CAMTA1: variants seen among roughly 807,000 people sequenced by gnomAD.
CAMTA1 encodes the protein calmodulin binding transcription activator 1.
Under a neutral mutation model 170.9 loss-of-function variants are expected in CAMTA1, and 27 were observed. The ratio of observed to expected loss-of-function variants is 0.16; its 90% CI spans 0.12 to 0.22. CAMTA1 has a LOEUF of 0.22. Ranked by LOEUF, CAMTA1 falls within the 10% of genes least tolerant of loss-of-function variation. The pLI is 1.00. For missense variants in CAMTA1, 1,619 were observed against 2,217.2 expected, an observed-to-expected ratio of 0.73 and a Z score of 5.42; for synonymous variants, 833 against 891.5, an observed-to-expected ratio of 0.93 and a Z score of 1.17.
chr1:7,517,571 A>G (rs1002461885), intron 6 of CAMTA1, among the ~76,000 whole-genome samples: 5 of 152,068 alleles, frequency 3.3e-5, no homozygotes, highest in African/African-American at 4.8e-5. Context: ...CTTTAATGTT[A>G]TGATTCCAAA....
chr1:7,372,344 G>A (rs2150064147), intron 5 of CAMTA1, among the ~76,000 whole-genome samples: 1 of 152,332 alleles, frequency 6.6e-6, no homozygotes, highest in Admixed American at 6.5e-5. Flanking sequence ...GAAAATGTTG[G>A]TGAGATTTTT....
intron 11 of CAMTA1, among the ~76,000 whole-genome samples, chr1:7,710,018 CTG>C (rs1384035258): frequency 9.2e-5 from 14 of 152,174 alleles, no homozygotes; most frequent in African/African-American, 3.1e-4. Context: ...AGCTATTCTG[CTG>C]TGATTCTTTT....
chr1:7,380,509 G>A lies in CAMTA1; in HGVS notation c.439-87321G>A, dbSNP rs544246820. Among the ~76,000 whole-genome samples the A allele has an allele frequency of 3.9e-4, 60 of 152,340 alleles. 2 individuals are homozygous for A. The South Asian group carries it at 0.011, about 28-fold the overall frequency. On this transcript the variant is annotated intron_variant, in intron 5 of 22. Transcript: ENST00000303635. ...GAACTGCTTGAACCCAGGACATGGC[G>A]GTTGCAGTGAGCCGAGATCATGCTG...
chr1:7,276,968 A>ACGTAAAATAT (rs1670818980), intron 5 of CAMTA1, among the ~76,000 whole-genome samples: 1 of 152,260 alleles, frequency 6.6e-6, no homozygotes, highest in Non-Finnish European at 1.5e-5. Flanking sequence ...GTGTAAAATA[A>ACGTAAAATAT]CATAAAATAT....
chr1:7,184,907 C>T (rs1652937255), intron 4 of CAMTA1, among the ~76,000 whole-genome samples: 1 of 152,114 alleles, frequency 6.6e-6, no homozygotes, highest in African/African-American at 2.4e-5. Flanking sequence ...GGCCATGTAC[C>T]ACCAGTCTAA....
chr1:7,512,113 G>GCTTTCATTCATTCATT (rs1259379357), intron 6 of CAMTA1, among the ~76,000 whole-genome samples: 30 of 152,186 alleles, frequency 2.0e-4, no homozygotes, highest in Non-Finnish European at 7.4e-5. Flanking sequence ...TCATGAAAGT[G>GCTTTCATTCATTCATT]CTTTCATTCA....
At chr1:7,672,606 G>A (rs1210077058) in intron 10 of CAMTA1, among the ~76,000 whole-genome samples, 1 of 152,110 alleles carries the variant, frequency 6.6e-6, no homozygotes, top group Non-Finnish European at 1.5e-5. Flanking sequence ...ACTTTTAGTA[G>A]AGATGGAGTT....
At chr1:7,428,536 G>A (rs1054957645) in intron 5 of CAMTA1, among the ~76,000 whole-genome samples, 4 of 152,036 alleles carry the variant, frequency 2.6e-5, no homozygotes, top group Non-Finnish European at 2.9e-5. Context: ...ATGCCTTCCC[G>A]CATAGGTGAT....
intron 3 of CAMTA1, among the ~76,000 whole-genome samples, chr1:7,055,717 G>A (rs1255865196): frequency 2.0e-5 from 3 of 152,204 alleles, no homozygotes; most frequent in Admixed American, 2.0e-4. Context: ...ATCACAGTGG[G>A]AGGCCCTCTG....
At chr1:7,726,534 T>G (rs1028121076) in intron 11 of CAMTA1, among the ~76,000 whole-genome samples, 9 of 152,200 alleles carry the variant, frequency 5.9e-5, no homozygotes, top group African/African-American at 2.2e-4. Flanking sequence ...TGTGTAGAAA[T>G]GTTATGTAAA....
At chr1:6,961,978 T>C (rs1690501968) in intron 3 of CAMTA1, among the ~76,000 whole-genome samples, 1 of 152,226 alleles carries the variant, frequency 6.6e-6, no homozygotes, top group South Asian at 2.1e-4. Flanking sequence ...GTCCAGCGTC[T>C]TCCGGTATGG....
intron 6 of CAMTA1, among the ~76,000 whole-genome samples, chr1:7,546,598 G>A (rs751180733): frequency 7.2e-5 from 11 of 152,078 alleles, no homozygotes; most frequent in Non-Finnish European, 1.2e-4. Context: ...CAAAATAGCC[G>A]AACTAATTTA....
At chr1:6,927,978 T>TTCCTGCCTCCC (rs1385740763) in intron 3 of CAMTA1, among the ~76,000 whole-genome samples, 2 of 152,152 alleles carry the variant, frequency 1.3e-5, no homozygotes, top group Non-Finnish European at 2.9e-5. Flanking sequence ...TCCTGCCTTC[T>TTCCTGCCTCCC]TCCTGCCTCC....
chr1:6,940,844 C>T (rs1209800637), intron 3 of CAMTA1, among the ~76,000 whole-genome samples: 1 of 16,372 alleles, frequency 6.1e-5, no homozygotes, highest in Non-Finnish European at 1.2e-4. Context: ...AGGCCGGGCT[C>T]AGCACTATCC....
chr1:7,600,346 A>G lies in CAMTA1; in HGVS notation c.511-40054A>G, dbSNP rs549840481. Among the ~76,000 whole-genome samples the G allele has an allele frequency of 2.5e-3, 385 of 152,198 alleles. 1 individual carries two copies. The highest frequency in any genetic ancestry group is 9.0e-3 in the African/African-American group (372 of 41,508). The stretch of plus-strand genomic sequence containing the variant: ...GTGCTGCTGGATTCAGTTTGCCAGT[A>G]TTTTATTGAGGATTTTTGCATCGAG... On this transcript the variant is annotated intron_variant, in intron 6 of 22. Transcript: ENST00000303635.
At chr1:7,545,459 C>G (rs900652622) in intron 6 of CAMTA1, among the ~76,000 whole-genome samples, 1 of 152,172 alleles carries the variant, frequency 6.6e-6, no homozygotes, top group Admixed American at 6.5e-5. Flanking sequence ...TTAATAGTTG[C>G]GTCCTTCAGT....
intron 6 of CAMTA1, among the ~76,000 whole-genome samples, chr1:7,481,728 C>G (rs959108198): frequency 6.6e-6 from 1 of 152,126 alleles, no homozygotes; most frequent in African/African-American, 2.4e-5. Context: ...AAGTAAGCAA[C>G]AGCCACAGCA....
rs1016003953 is a variant in CAMTA1, at chr1:7,641,684, G to A, written c.664+1131G>A. The stretch of plus-strand genomic sequence containing the variant: ...CCCCCAGTGGGTGACAGCCCTGCCC[G>A]CCAAGGGCAGGACCACAAGACTGAG... On this transcript the variant is annotated intron_variant, in intron 7 of 22. Coordinates refer to ENST00000303635, the MANE Select transcript of CAMTA1 (RefSeq NM_015215.4). The surrounding 1 kb of genome is among the most constrained non-coding windows in gnomAD (Gnocchi z 4.5). Among the ~76,000 whole-genome samples, 4 of 152,232 alleles carry A rather than the reference G, an allele frequency of 2.6e-5. No homozygotes were observed. The highest frequency in any genetic ancestry group is 1.9e-4 in the East Asian group (1 of 5,166).
At chr1:7,760,768 T>G (rs1422112891) in intron 22 of CAMTA1, among the ~76,000 whole-genome samples, 1 of 152,188 alleles carries the variant, frequency 6.6e-6, no homozygotes, top group African/African-American at 2.4e-5. Flanking sequence ...CTATTGCAGC[T>G]CTCAAAGCAA....
Sources: allele counts gnomAD v4.1 joint callset (sites outside exome capture counted in the v4.1 genomes callset), GRCh38; gene constraint gnomAD v4.1.1; non-coding constraint Gnocchi (gnomAD v3.1); transcripts MANE v1.5; gene names NCBI Gene and HGNC (gene_info 2026-07-23, HGNC 2026-07-21).